Variants in CCT7 observed in about 807,000 individuals in gnomAD.
CCT7 encodes T-complex protein 1 subunit eta.
Under a neutral mutation model 56.6 loss-of-function variants are expected in CCT7, and 16 were observed. That is an observed-to-expected ratio of 0.28 (90% CI 0.19 to 0.43). CCT7 has a LOEUF of 0.43. CCT7 is among the 20% of genes least tolerant of loss of function. CCT7 has a pLI of 1.00. For missense variants in CCT7, 519 were observed against 685.6 expected (o/e 0.76, Z 2.71); for synonymous variants, 262 against 254.8 (o/e 1.03, Z -0.27).
chr2:73,240,891 CCTTT>C (rs1203428136), intron 3 of CCT7, among the ~76,000 whole-genome samples: 13 of 150,228 alleles, frequency 8.7e-5, no homozygotes, highest in South Asian at 2.1e-4. Flanking sequence ...TTCCAATCTG[CCTTT>C]CTTTCTTTTT....
rs528130296 is a variant in CCT7 at position 73,240,316 on chromosome 2, T to C, written c.161-121T>C. 2.9e-5 allele frequency: 16 copies of C among 557,350 alleles called. No homozygotes were observed. In the East Asian group the frequency reaches 4.2e-4, roughly 15 times the overall value. The allele number at this position is 557,350 out of a possible 1,614,324, so 34.5% of individuals were successfully genotyped here. On this transcript the variant is annotated intron_variant, in intron 2 of 11. Transcript: ENST00000258091. ...ATAGAAAGATCAGATAGGTATCCTT[T>C]CCCTTCAGCCCTGCCGTGATCCCCT... is the stretch of plus-strand genomic sequence containing the variant.
Position 73,246,705 on chromosome 2 carries a change from C to G in CCT7, c.619-1057C>G, listed in dbSNP as rs905463627. On this transcript the variant is annotated intron_variant, in intron 6 of 11. Coordinates refer to ENST00000258091, the MANE Select transcript of CCT7 (RefSeq NM_006429.4). ...CTTACCCTCTAAATTCTAGCAACTT[C>G]AAATGGCTTTTCATTCTCTGATTCC... Among the ~76,000 whole-genome samples, 86 of 152,314 alleles carry G rather than the reference C, an allele frequency of 5.6e-4. 2 individuals carry two copies. The highest frequency in any genetic ancestry group is 2.0e-3 in the African/African-American group (85 of 41,556).
chr2:73,240,608 CTCT>C, intron 3 of CCT7, 65 bp downstream of exon 3: 1 of 910,990 alleles, frequency 1.1e-6, no homozygotes, highest in South Asian at 2.2e-5. Context: ...CTTAGTTCTC[CTCT>C]ATTAAATTTT....
At chr2:73,246,242 T>C (rs780446551) in intron 6 of CCT7, among the ~76,000 whole-genome samples, 1 of 152,278 alleles carries the variant, frequency 6.6e-6, no homozygotes, top group African/African-American at 2.4e-5. Context: ...ATGCTCTTTC[T>C]TGTGTCTAAC....
Position 73,251,352 on chromosome 2 carries a change from A to G in CCT7, c.1330A>G (p.Ile444Val), listed in dbSNP as rs974896895. 6.2e-7 allele frequency: 1 copy of G among 1,613,422 alleles called. No homozygotes were observed. Among genetic ancestry groups the G allele is most frequent in the Non-Finnish European group, 8.5e-7 (1 of 1,179,742 alleles). Residue 444 changes from isoleucine (I) to valine (V), a missense_variant, in exon 11 of 12, where the codon ATT becomes GTT. Physicochemically the swap from Ile to Val is conservative, Grantham distance 29. Coordinates refer to ENST00000258091, the MANE Select transcript of CCT7 (RefSeq NM_006429.4). ...LIGAYAKALE[I>V]IPRQLCDNAG... is the part of the protein sequence containing the mutation. ...TGGGGCATATGCCAAGGCCTTGGAG[A>G]TTATCCCACGCCAGCTGTGTGACAA...
In CCT7 at chr2:73,243,764, C is replaced by T. The variant is rs72905365; in HGVS notation, c.394-233C>T. On this transcript the variant is annotated intron_variant, in intron 4 of 11. Coordinates refer to ENST00000258091, the MANE Select transcript of CCT7 (RefSeq NM_006429.4). Reference sequence around the variant, plus strand: ...GACCCAGAGCAAAATCTTGGAAGCACCCTGATTCTTCAGAACTGTATACCC... The same window carrying T: ...GACCCAGAGCAAAATCTTGGAAGCATCCTGATTCTTCAGAACTGTATACCC... 3.3e-3 allele frequency: 1,654 copies of T among 497,928 alleles called. 29 individuals are homozygous for T. The highest frequency in any genetic ancestry group is 0.027 in the African/African-American group (1,387 of 51,368). 30.8% of individuals were successfully genotyped at this position (497,928 alleles called of 1,614,324 possible).
intron 3 of CCT7, 174 bp from the exon 4 acceptor site, chr2:73,242,830 T>C (rs1020297608): frequency 1.2e-5 from 8 of 685,680 alleles, no homozygotes; most frequent in Middle Eastern, 4.0e-4. Flanking sequence ...ATGATGGATA[T>C]GTAACTACCA....
In CCT7 at chr2:73,251,284, G is replaced by A; in HGVS notation, c.1262G>A (p.Arg421Gln). 1 of 1,614,192 alleles carries A rather than the reference G, an allele frequency of 6.2e-7. No individual in the cohort carries two copies. Among genetic ancestry groups the A allele is most frequent in the Non-Finnish European group, 8.5e-7 (1 of 1,180,030 alleles). ...AIEMELSKYLRDYSRTIPGKQ... is the reference protein window; with the variant it reads ...AIEMELSKYLQDYSRTIPGKQ... ...GAGATGGAACTCTCCAAGTACCTGCGGGATTACTCAAGGACTATTCCAGGA... is the reference window on the plus strand; with the variant it reads ...GAGATGGAACTCTCCAAGTACCTGCAGGATTACTCAAGGACTATTCCAGGA... Residue 421 changes from arginine (R) to glutamine (Q), a missense_variant, in exon 11 of 12, where the codon CGG becomes CAG. Arg to Gln is a conservative substitution (Grantham distance 43). This residue lies in a region of CCT7 where 237 missense variants were observed against 300.8 expected (regional missense o/e 0.79). Transcript: ENST00000258091.
chr2:73,239,487 T>G (rs1318438707), intron 1 of CCT7, 156 bp from the exon 2 acceptor site: 11 of 648,408 alleles, frequency 1.7e-5, no homozygotes, highest in East Asian at 2.8e-5. Flanking sequence ...TAGAGGCTGG[T>G]TGGGGAATGG....
chr2:73,243,011 A>T lies in CCT7; in HGVS notation c.275A>T (p.Asp92Val). ...CCTGTCATCATCTTCCAGGTGGGTG[A>T]TGGCACCACCTCAGTGACCTTGCTG... Reference protein sequence around the residue: ...IAKSQDAEVGDGTTSVTLLAA... With the variant: ...IAKSQDAEVGVGTTSVTLLAA... Residue 92 changes from aspartate to valine, a missense_variant, in exon 4 of 12, where the codon GAT becomes GTT. Around this residue, in one of 3 missense-constraint regions of CCT7, gnomAD observed 276 missense variants for 357.3 expected, o/e 0.77. Coordinates refer to ENST00000258091, the MANE Select transcript of CCT7 (RefSeq NM_006429.4). 6.2e-7 allele frequency: 1 copy of T among 1,613,880 alleles called. No homozygotes were observed.
chr2:73,240,635 A>G lies in CCT7; in HGVS notation c.267+92A>G, dbSNP rs1687066430. The G allele has an allele frequency of 8.3e-6, 5 of 604,612 alleles. No individual in the cohort carries two copies. In the Admixed American group the frequency reaches 1.5e-4, roughly 18 times the overall value. The allele number at this position is 604,612 out of a possible 1,614,324, so 37.5% of individuals were successfully genotyped here. A position where few individuals can be genotyped will look rare whatever the true frequency, so the allele number is the denominator to read the frequency against. On this transcript the variant is annotated intron_variant, in intron 3 of 11. Coordinates refer to ENST00000258091, the MANE Select transcript of CCT7 (RefSeq NM_006429.4). Reference sequence around the variant, plus strand: ...CTATTAAATTTTTTTAAGATTTTATATAATTATAATTGTACAAGTAATACA... The same window carrying G: ...CTATTAAATTTTTTTAAGATTTTATGTAATTATAATTGTACAAGTAATACA...
At position 73,247,747 on chromosome 2, in the gene CCT7, G is replaced by GC. The variant is rs768703417; in HGVS notation, c.619-15_619-14insC. 1.2e-6 allele frequency: 2 copies of GC among 1,612,178 alleles called. No individual in the cohort carries two copies. Among genetic ancestry groups the GC allele is most frequent in the Non-Finnish European group, 1.7e-6 (2 of 1,178,494 alleles). On this transcript the variant is annotated splice_polypyrimidine_tract_variant and intron_variant, in intron 6 of 11. Transcript: ENST00000258091. ...TTAGTACCAAACCATTAAAGTGTTT[G>GC]TTTTTTTAAAACAGGATTCTCAGCT... is the stretch of plus-strand genomic sequence containing the variant.
intron 10 of CCT7, 72 bp from the exon 11 acceptor site, chr2:73,251,154 C>G: frequency 7.2e-7 from 1 of 1,394,818 alleles, no homozygotes; most frequent in Non-Finnish European, 1.0e-6. Flanking sequence ...CTGAAGGGAC[C>G]TACTGAGTGG....
At chr2:73,238,247 A>G (rs73944284) in intron 1 of CCT7, among the ~76,000 whole-genome samples, 10,983 of 152,208 alleles carry the variant, frequency 0.072, 874 homozygotes, top group African/African-American at 0.2. Context: ...AAAGCTTCCC[A>G]GGGCTTTCCT....
chr2:73,237,839 G>A (rs1032483037), intron 1 of CCT7, among the ~76,000 whole-genome samples: 27 of 152,148 alleles, frequency 1.8e-4, no homozygotes, highest in African/African-American at 6.5e-4. Context: ...GAGGCAGGAG[G>A]GTTGTTAGAG....
intron 11 of CCT7, among the ~76,000 whole-genome samples, chr2:73,252,033 G>T (rs1687612637): frequency 1.5e-5 from 2 of 134,048 alleles, no homozygotes; most frequent in Admixed American, 7.4e-5. Context: ...CATGGAGTGG[G>T]CTTACTGGTG....
chr2:73,243,769 A>T, intron 4 of CCT7: 1 of 501,084 alleles, frequency 2.0e-6, no homozygotes, highest in South Asian at 3.4e-5. Context: ...AAGCACCCTG[A>T]TTCTTCAGAA....
chr2:73,243,908 G>T, intron 4 of CCT7, 89 bp from the exon 5 acceptor site: 3 of 1,205,174 alleles, frequency 2.5e-6, no homozygotes, highest in Non-Finnish European at 3.7e-6. Context: ...ATTTGGGAGT[G>T]AACAGACTCA....
chr2:73,240,366 A>G (rs896503481), intron 2 of CCT7, 71 bp from the exon 3 acceptor site: 3 of 1,086,044 alleles, frequency 2.8e-6, no homozygotes, highest in East Asian at 2.4e-5. Context: ...TAAAGTGTAG[A>G]TGGGTTCTAG....
Sources: gnomAD v4.1 joint callset for allele counts (sites outside exome capture counted in the v4.1 genomes callset) on GRCh38, gnomAD v4.1.1 for gene constraint, gnomAD v4.1.1 regional missense constraint, MANE v1.5 for transcripts, NCBI Gene and HGNC (gene_info 2026-07-23, HGNC 2026-07-21) for gene names.